The following MTIF2 variants were observed in gnomAD, a reference collection of about 807,000 sequenced individuals.
MTIF2 encodes translation initiation factor IF-2, mitochondrial.
Under a neutral mutation model 83.5 loss-of-function variants are expected in MTIF2, and 71 were observed. That is an observed-to-expected ratio of 0.85 (90% CI 0.70 to 1.04). The LOEUF (loss-of-function observed/expected upper bound fraction) is 1.04, where lower values mean the gene tolerates loss of function less well. Among genes scored for constraint, MTIF2 ranks in the 50% least tolerant of loss-of-function variants. The pLI, the probability that MTIF2 is intolerant of heterozygous loss-of-function variation, is 0.00. For synonymous variants in MTIF2, 319 were observed against 287.1 expected, an observed-to-expected ratio of 1.11 and a Z score of -1.12; for missense variants, 957 against 846.5, an observed-to-expected ratio of 1.13 and a Z score of -1.62.
At chr2:55,256,140 G>C (rs959376020) in intron 5 of MTIF2, among the ~76,000 whole-genome samples, 2 of 152,176 alleles carry the variant, frequency 1.3e-5, no homozygotes, top group African/African-American at 4.8e-5. Context: ...CTCCCAGAGT[G>C]CTGGGATCAC....
At chr2:55,249,801 A>T (rs2576711) in intron 8 of MTIF2, among the ~76,000 whole-genome samples, 1 of 151,944 alleles carries the variant, frequency 6.6e-6, no homozygotes, top group Non-Finnish European at 1.5e-5. Flanking sequence ...AAAAAAAACA[A>T]TACAGTCGGG....
chr2:55,260,289 C>T (rs954165314), intron 5 of MTIF2, among the ~76,000 whole-genome samples: 2 of 151,632 alleles, frequency 1.3e-5, no homozygotes, highest in African/African-American at 4.8e-5. Context: ...ATCCCAGCTA[C>T]TCGGGAGGCT....
intron 13 of MTIF2, among the ~76,000 whole-genome samples, chr2:55,241,484 A>G (rs1403733569): frequency 1.3e-5 from 2 of 152,038 alleles, no homozygotes; most frequent in Non-Finnish European, 2.9e-5. Flanking sequence ...AAAATGAATG[A>G]AAAAAATTAA....
rs750985005 is a variant in MTIF2, at chr2:55,237,246, G to T, written c.2011+42C>A. 1.9e-6 allele frequency: 3 copies of T among 1,575,224 alleles called. No individual in the cohort carries two copies. The South Asian group carries it at 3.5e-5, about 18-fold the overall frequency. On this transcript the variant is annotated intron_variant, in intron 15 of 15. Transcript: ENST00000263629. ...ATGGTTATATAGTCAACAGGTCTTG[G>T]TGACTGGATATGCTATTATAGGAGA...
At chr2:55,237,193 A>G (rs1052423009) in intron 15 of MTIF2, 95 bp downstream of exon 15, 29 of 1,345,618 alleles carry the variant, frequency 2.2e-5, no homozygotes, top group African/African-American at 4.4e-5. Context: ...AGCTGAGATT[A>G]TGGGCATGAA....
chr2:55,260,806 T>C (rs942670688), intron 5 of MTIF2, among the ~76,000 whole-genome samples: 2 of 152,190 alleles, frequency 1.3e-5, no homozygotes, highest in Non-Finnish European at 2.9e-5. Context: ...TTTGTTACAA[T>C]AACAGGGTAT....
chr2:55,237,186 T>G, intron 15 of MTIF2, 102 bp downstream of exon 15: 32 of 1,299,944 alleles, frequency 2.5e-5, no homozygotes, highest in Middle Eastern at 2.8e-4. Flanking sequence ...TGGCCTGAGC[T>G]GAGATTATGG....
At position 55,240,103 on chromosome 2, in the gene MTIF2, A is replaced by AT; in HGVS notation, c.1777dup (p.Ile593AsnfsTer2). 1 of 1,613,910 alleles carries AT rather than the reference A, an allele frequency of 6.2e-7. No individual in the cohort carries two copies. Among genetic ancestry groups the AT allele is most frequent in the Non-Finnish European group, 8.5e-7 (1 of 1,179,988 alleles). ...ACGGTAAATTATTTTGTGAAGTTTA[A>AT]TTTTTACTCCTTTTTTTGCAGCTGA... On this transcript the variant is annotated frameshift_variant, in exon 14 of 16. Coordinates refer to ENST00000263629, the MANE Select transcript of MTIF2 (RefSeq NM_002453.3). LOFTEE classifies it high-confidence loss of function.
At position 55,263,881 on chromosome 2, in the gene MTIF2, A is replaced by AT; in HGVS notation, c.-7-17_-7-16insA. The AT allele has an allele frequency of 1.3e-6, 2 of 1,566,608 alleles. No individual in the cohort carries two copies. The highest frequency in any genetic ancestry group is 1.7e-6 in the Non-Finnish European group (2 of 1,143,936). On this transcript the variant is annotated splice_polypyrimidine_tract_variant and intron_variant, in intron 3 of 15. Transcript: ENST00000263629. ...CATGTTTCTCCTGGGGAAAAAAAAA[A>AT]GGTTTTAAAATAATATTCAAATCAA...
In MTIF2 at chr2:55,263,157, G is replaced by A. The variant is rs1002534347; in HGVS notation, c.219+483C>T. 3.9e-5 allele frequency among the ~76,000 whole-genome samples: 6 copies of A among 152,254 alleles called. No homozygotes were observed. The East Asian group carries it at 5.8e-4, about 15-fold the overall frequency. On this transcript the variant is annotated intron_variant, in intron 4 of 15. Transcript: ENST00000263629. ...ATTACAGGCGTGAGCCACCACATCC[G>A]GCCATAGCTACTATTTCTACCAACG... is the stretch of plus-strand genomic sequence containing the variant.
At chr2:55,245,046 CA>C (rs61700562) in intron 10 of MTIF2, among the ~76,000 whole-genome samples, 4 of 150,780 alleles carry the variant, frequency 2.7e-5, no homozygotes, top group Admixed American at 2.6e-4. Flanking sequence ...GACTGCAACT[CA>C]AAAAAAGAAA....
chr2:55,246,948 C>T (rs1395734824), intron 9 of MTIF2, among the ~76,000 whole-genome samples: 1 of 152,128 alleles, frequency 6.6e-6, no homozygotes, highest in Non-Finnish European at 1.5e-5. Flanking sequence ...GCATGACTTA[C>T]CCTTATTAAA....
At chr2:55,246,235 A>G (rs2576724) in intron 10 of MTIF2, 102 bp downstream of exon 10, 615,428 of 1,273,418 alleles carry the variant, frequency 0.48, 154,749 homozygotes, top group Non-Finnish European at 0.52. Context: ...AATATTGTTC[A>G]TGAACTAACA....
chr2:55,241,521 C>T (rs1676307884), intron 13 of MTIF2, among the ~76,000 whole-genome samples: 1 of 151,502 alleles, frequency 6.6e-6, no homozygotes, highest in Non-Finnish European at 1.5e-5. Flanking sequence ...AGGAGAAAAA[C>T]ACAATCACCT....
intron 5 of MTIF2, among the ~76,000 whole-genome samples, 181 bp downstream of exon 5, chr2:55,262,135 A>G (rs558961710): frequency 1.3e-5 from 2 of 152,320 alleles, no homozygotes; most frequent in East Asian, 3.9e-4. Flanking sequence ...GGAGAACTAC[A>G]TTTGGCAGTC....
chr2:55,252,278 G>A (rs190935094), intron 8 of MTIF2, among the ~76,000 whole-genome samples, 199 bp downstream of exon 8: 1 of 152,218 alleles, frequency 6.6e-6, no homozygotes, highest in African/African-American at 2.4e-5. Context: ...CTGTACTTAT[G>A]GTCACAACTC....
intron 3 of MTIF2, among the ~76,000 whole-genome samples, chr2:55,267,030 A>G (rs1442114563): frequency 2.6e-5 from 4 of 152,054 alleles, no homozygotes; most frequent in Non-Finnish European, 5.9e-5. Context: ...TCAGCCTCCC[A>G]AAGTGCTGGG....
Position 55,246,268 on chromosome 2 carries a change from C to T in MTIF2, c.1106+69G>A, listed in dbSNP as rs888804147. 4 of 1,455,348 alleles carry T rather than the reference C, an allele frequency of 2.7e-6. No individual in the cohort carries two copies. In the Admixed American group the frequency reaches 8.7e-5, roughly 32 times the overall value. 90.2% of individuals were successfully genotyped at this position (1,455,348 alleles called of 1,614,324 possible). A position where few individuals can be genotyped will look rare whatever the true frequency, so the allele number is the denominator to read the frequency against. ...ACAATAACATGTAACAAAAATAATA[C>T]ATTGTCATATAATCAAGTCACGAAA... On this transcript the variant is annotated intron_variant, in intron 10 of 15. Coordinates refer to ENST00000263629, the MANE Select transcript of MTIF2 (RefSeq NM_002453.3).
At chr2:55,237,649 CTTTTT>C (rs536036933) in intron 14 of MTIF2, among the ~76,000 whole-genome samples, 2 of 112,988 alleles carry the variant, frequency 1.8e-5, no homozygotes, top group Admixed American at 1.1e-4. Flanking sequence ...TTCTTTTTTT[CTTTTT>C]TTTTTTTTTT....
Sources: gnomAD v4.1 joint callset for allele counts (sites outside exome capture counted in the v4.1 genomes callset) on GRCh38, gnomAD v4.1.1 for gene constraint, MANE v1.5 for transcripts, NCBI Gene and HGNC (gene_info 2026-07-23, HGNC 2026-07-21) for gene names.